The following GCNT2 variants were observed in gnomAD, a reference collection of about 807,000 sequenced individuals.
The protein encoded by GCNT2 is N-acetyllactosaminide beta-1,6-N-acetylglucosaminyl-transferase.
A neutral mutation model predicts 34.2 loss-of-function variants in GCNT2; 34 were observed. The observed-to-expected ratio is 1.00, with a 90% CI of 0.76 to 1.32. GCNT2 has a LOEUF of 1.32. Ranked by LOEUF, GCNT2 falls within the 40% of genes most tolerant of loss-of-function variation. The pLI is 0.00. For synonymous variants in GCNT2, 212 were observed against 188.0 expected (o/e 1.13, Z -1.04); for missense variants, 584 against 489.4 (o/e 1.19, Z -1.82).
Position 10,528,818 on chromosome 6 carries a change from A to G in GCNT2, c.-94A>G, listed in dbSNP as rs1761323158. The stretch of plus-strand genomic sequence containing the variant: ...GACGAGAGCTTCAGCCATCACGAGG[A>G]TGATTTCGGAACCTGGAGAAAATGT... On this transcript the variant is annotated 5_prime_UTR_variant, in exon 3 of 5. The change abolishes an upstream ATG in the 5' untranslated region. Transcript: ENST00000495262. The G allele has an allele frequency of 1.0e-6, 1 of 997,360 alleles. No individual in the cohort carries two copies. The highest frequency in any genetic ancestry group is 1.6e-6 in the Non-Finnish European group (1 of 626,134). The allele number at this position is 997,360 out of a possible 1,614,324, so 61.8% of individuals were successfully genotyped here. A position where few individuals can be genotyped will look rare whatever the true frequency, so the allele number is the denominator to read the frequency against.
intron 3 of GCNT2, among the ~76,000 whole-genome samples, chr6:10,613,548 C>T (rs905042571): frequency 5.9e-5 from 9 of 152,130 alleles, no homozygotes; most frequent in Non-Finnish European, 1.3e-4. Flanking sequence ...GAATCGAGTC[C>T]AGTATTTTTC....
rs201271942 is a variant in GCNT2 at position 10,551,781 on chromosome 6, C to T, written c.925+21945C>T. 3.3e-5 allele frequency among the ~76,000 whole-genome samples: 5 copies of T among 149,706 alleles called. No individual in the cohort carries two copies. The East Asian group carries it at 9.9e-4, about 30-fold the overall frequency. ...TTTTATTTATTCATCTTTTGAGACGCAGTTTCGCTCTTGTCACCCAGGCTG... is the reference window on the plus strand; with the variant it reads ...TTTTATTTATTCATCTTTTGAGACGTAGTTTCGCTCTTGTCACCCAGGCTG... On this transcript the variant is annotated intron_variant, in intron 3 of 4. Coordinates refer to ENST00000495262, the MANE Select transcript of GCNT2 (RefSeq NM_145649.5).
Position 10,529,347 on chromosome 6 carries a change from T to C in GCNT2, c.436T>C (p.Cys146Arg), listed in dbSNP as rs777118396. The C allele has an allele frequency of 6.2e-7, 1 of 1,614,140 alleles. No homozygotes were observed. Residue 146 changes from cysteine (C) to arginine (R), a missense_variant, in exon 3 of 5, where the codon TGC (cysteine) becomes CGC (arginine). Physicochemically the swap from Cys to Arg is radical, Grantham distance 180 (BLOSUM62 -3). Transcript: ENST00000495262. ...FKGAVKQLLS[C>R]FPNAFLASKK... is the part of the protein sequence containing the mutation. ...AGGTGCAGTGAAACAGTTACTCAGC[T>C]GCTTCCCAAATGCTTTTCTGGCTTC...
intron 3 of GCNT2, chr6:10,586,971 C>G (rs554545323): frequency 1.7e-6 from 2 of 1,169,890 alleles, no homozygotes; most frequent in Non-Finnish European, 2.6e-6. Context: ...TTCTGCTCGC[C>G]TAGAGAACTG....
chr6:10,526,996 T>A (rs1761223017), intron 1 of GCNT2, among the ~76,000 whole-genome samples: 1 of 152,144 alleles, frequency 6.6e-6, no homozygotes, highest in African/African-American at 2.4e-5. Context: ...AGTTAGAAGA[T>A]ACATTGGAAA....
intron 4 of GCNT2, among the ~76,000 whole-genome samples, chr6:10,624,018 T>A (rs960869732): frequency 1.1e-4 from 16 of 152,150 alleles, no homozygotes; most frequent in African/African-American, 3.6e-4. Context: ...CGTTTGTACT[T>A]CCCTAGGCAG....
intron 3 of GCNT2, among the ~76,000 whole-genome samples, chr6:10,568,426 T>C (rs1763381517): frequency 6.6e-6 from 1 of 152,152 alleles, no homozygotes; most frequent in South Asian, 2.1e-4. Flanking sequence ...CCTTCCTGTT[T>C]TCATCATTAC....
chr6:10,526,367 TC>T (rs1761186364), intron 1 of GCNT2, among the ~76,000 whole-genome samples: 1 of 152,258 alleles, frequency 6.6e-6, no homozygotes, highest in East Asian at 1.9e-4. Context: ...TTTCCTGTGT[TC>T]CTGACACCGT....
intron 3 of GCNT2, among the ~76,000 whole-genome samples, chr6:10,600,694 A>C (rs982110818): frequency 1.2e-4 from 18 of 152,128 alleles, no homozygotes; most frequent in African/African-American, 4.1e-4. Flanking sequence ...TTTTCTATTA[A>C]TGAATGCCTT....
At position 10,524,306 on chromosome 6, in the gene GCNT2, G is replaced by A. The variant is rs59377072; in HGVS notation, c.-469+2889G>A. Among the ~76,000 whole-genome samples, 322 of 149,686 alleles carry A rather than the reference G, an allele frequency of 2.2e-3. 1 individual carries two copies. Among genetic ancestry groups the A allele is most frequent in the African/African-American group, 7.4e-3 (301 of 40,554 alleles). On this transcript the variant is annotated intron_variant, in intron 1 of 4. Transcript: ENST00000495262. ...GCTCTTGTTGCCTGGGCTGGAGTGCGATGGCACGATCTCGGCTCACCGCAA... is the reference window on the plus strand; with the variant it reads ...GCTCTTGTTGCCTGGGCTGGAGTGCAATGGCACGATCTCGGCTCACCGCAA...
chr6:10,534,157 T>TTTTTTTTTTTTTTTTTTTTTTTTTTTC (rs1411848198), intron 3 of GCNT2, among the ~76,000 whole-genome samples: 1 of 145,248 alleles, frequency 6.9e-6, no homozygotes, highest in Non-Finnish European at 1.5e-5. Flanking sequence ...TTTTTTTTTT[T>TTTTTTTTTTTTTTTTTTTTTTTTTTTC]TTAAGATGGA....
chr6:10,584,719 G>A (rs2127411238), intron 3 of GCNT2, among the ~76,000 whole-genome samples: 1 of 152,294 alleles, frequency 6.6e-6, no homozygotes, highest in East Asian at 1.9e-4. Context: ...TTTTTACCAA[G>A]GCACATCCTG....
chr6:10,582,286 ATAAT>A lies in GCNT2; in HGVS notation c.926-39064_926-39061del, dbSNP rs1398470375. The stretch of plus-strand genomic sequence containing the variant: ...CTATATATTAAATATATAAATATAT[ATAAT>A]ATTACTATATATTTAATATATAGTA... On this transcript the variant is annotated intron_variant, in intron 3 of 4. Coordinates refer to ENST00000495262, the MANE Select transcript of GCNT2 (RefSeq NM_145649.5). Among the ~76,000 whole-genome samples, 3 of 108,142 alleles carry A rather than the reference ATAAT, an allele frequency of 2.8e-5. No individual in the cohort carries two copies. In the Admixed American group the frequency reaches 3.4e-4, roughly 12 times the overall value. The allele number at this position is 108,142 out of a possible 152,430, so 70.9% of individuals were successfully genotyped here.
At chr6:10,547,280 G>C (rs567956661) in intron 3 of GCNT2, among the ~76,000 whole-genome samples, 1 of 152,176 alleles carries the variant, frequency 6.6e-6, no homozygotes, top group Non-Finnish European at 1.5e-5. Flanking sequence ...ACTATCAAGT[G>C]ATAAGTAGCA....
intron 4 of GCNT2, among the ~76,000 whole-genome samples, chr6:10,625,813 C>T (rs1766232940): frequency 6.6e-6 from 1 of 152,138 alleles, no homozygotes; most frequent in South Asian, 2.1e-4. Flanking sequence ...TTTCCCTGTA[C>T]ATGCATATCT....
chr6:10,563,944 A>T (rs1216799482), intron 3 of GCNT2, among the ~76,000 whole-genome samples: 2 of 151,920 alleles, frequency 1.3e-5, no homozygotes, highest in African/African-American at 4.8e-5. Context: ...TCATTGAATG[A>T]TTGCAATTAC....
At chr6:10,543,070 G>A (rs184241325) in intron 3 of GCNT2, among the ~76,000 whole-genome samples, 23 of 151,736 alleles carry the variant, frequency 1.5e-4, no homozygotes, top group African/African-American at 5.6e-4. Context: ...ACCACACCCG[G>A]CTAATTTTTA....
At chr6:10,556,314 C>T in intron 3 of GCNT2, 5 of 1,571,928 alleles carry the variant, frequency 3.2e-6, no homozygotes, top group Non-Finnish European at 3.4e-6. Flanking sequence ...TCCAACAGGG[C>T]AGGAGTGAGT....
At chr6:10,524,131 G>A (rs1040152349) in intron 1 of GCNT2, among the ~76,000 whole-genome samples, 7 of 151,778 alleles carry the variant, frequency 4.6e-5, no homozygotes, top group African/African-American at 1.7e-4. Context: ...AACGGGTGTT[G>A]TTTTCTCAAA....
Sources: gnomAD v4.1 joint callset for allele counts (sites outside exome capture counted in the v4.1 genomes callset) on GRCh38, gnomAD v4.1.1 for gene constraint, MANE v1.5 for transcripts, NCBI Gene and HGNC (gene_info 2026-07-23, HGNC 2026-07-21) for gene names.